DSCAML1: variants seen among roughly 807,000 people sequenced by gnomAD.
DSCAML1 encodes the protein DS cell adhesion molecule like 1.
DSCAML1 carries 38 observed loss-of-function variants against 200.5 expected under a neutral mutation model. The observed-to-expected ratio is 0.19, with a 90% CI of 0.15 to 0.25. The LOEUF (loss-of-function observed/expected upper bound fraction) is 0.25. Among genes scored for constraint, DSCAML1 ranks in the 10% least tolerant of loss-of-function variants. The pLI is 1.00. For missense variants in DSCAML1, 2,223 were observed against 2,858.8 expected (o/e 0.78, Z 5.07); for synonymous variants, 1,215 against 1,165.0 (o/e 1.04, Z -0.87).
At chr11:117,481,147 T>C (rs1411231204) in intron 13 of DSCAML1, 27 bp downstream of exon 13, 1 of 1,608,678 alleles carries the variant, frequency 6.2e-7, no homozygotes, top group Non-Finnish European at 8.5e-7. Flanking sequence ...GGAGGTGGGA[T>C]GGGAAGGGTG....
At chr11:117,557,290 C>G (rs1352005802) in intron 3 of DSCAML1, among the ~76,000 whole-genome samples, 1 of 152,258 alleles carries the variant, frequency 6.6e-6, no homozygotes, top group East Asian at 1.9e-4. Flanking sequence ...ACACTTAATA[C>G]CAGTCTGGGC....
intron 2 of DSCAML1, among the ~76,000 whole-genome samples, chr11:117,779,266 C>G (rs764837256): frequency 1.3e-5 from 2 of 152,086 alleles, no homozygotes; most frequent in Non-Finnish European, 2.9e-5. Flanking sequence ...TATAATGATC[C>G]GAGACCCACC....
At chr11:117,816,735 C>T (rs1027713950) in intron 1 of DSCAML1, among the ~76,000 whole-genome samples, 2 of 150,144 alleles carry the variant, frequency 1.3e-5, no homozygotes, top group East Asian at 2.0e-4. Context: ...CCAGTGGAGA[C>T]GCTCAGTTCT....
intron 3 of DSCAML1, among the ~76,000 whole-genome samples, chr11:117,669,933 CG>C (rs919469415): frequency 1.3e-5 from 2 of 152,220 alleles, no homozygotes; most frequent in Non-Finnish European, 2.9e-5. Flanking sequence ...GGGGCCTCAG[CG>C]GCCCATGAAA....
chr11:117,460,799 C>T (rs747605062), intron 18 of DSCAML1, among the ~76,000 whole-genome samples: 2 of 152,144 alleles, frequency 1.3e-5, no homozygotes, highest in East Asian at 1.9e-4. Flanking sequence ...CTCTGGATCC[C>T]GGGCGGCTTG....
At chr11:117,520,680 T>A (rs1382186507) in intron 6 of DSCAML1, among the ~76,000 whole-genome samples, 1 of 146,294 alleles carries the variant, frequency 6.8e-6, no homozygotes, top group Non-Finnish European at 1.5e-5. Flanking sequence ...TTCACCCCAG[T>A]TCAAGACCAG....
rs1031525185 is a variant in DSCAML1, at chr11:117,482,107, C to T, written c.2415G>A (p.Ala805=). Residue 805 remains alanine (A), a synonymous_variant, in exon 12 of 33, where the codon GCG becomes GCA. Transcript: ENST00000651296. ...PNTTIAIKGH[A]KELNCTARGE... ...CCCGTGCCGTGCAGTTTAGCTCCTT[C>T]GCATGGCCCTTGATGGCGATGGTGG... is the stretch of plus-strand genomic sequence containing the variant. 5.6e-6 allele frequency: 9 copies of T among 1,614,174 alleles called. No homozygotes were observed. The highest frequency in any genetic ancestry group is 4.5e-5 in the East Asian group (2 of 44,884).
chr11:117,787,405 T>G (rs1773364232), intron 1 of DSCAML1, among the ~76,000 whole-genome samples: 1 of 151,300 alleles, frequency 6.6e-6, no homozygotes, highest in African/African-American at 2.4e-5. Context: ...AAATATTTAC[T>G]GCTCACCTCT....
At chr11:117,802,528 G>A (rs547652748) in intron 1 of DSCAML1, among the ~76,000 whole-genome samples, 1 of 152,292 alleles carries the variant, frequency 6.6e-6, no homozygotes, top group East Asian at 1.9e-4. Flanking sequence ...TCTGATTACA[G>A]CCTCACGTGC....
intron 2 of DSCAML1, among the ~76,000 whole-genome samples, chr11:117,777,590 G>C (rs1350278296): frequency 6.6e-6 from 1 of 152,186 alleles, no homozygotes; most frequent in East Asian, 1.9e-4. Context: ...CTAGAGACAT[G>C]GACACAGTCT....
At chr11:117,601,106 C>T (rs926587106) in intron 3 of DSCAML1, among the ~76,000 whole-genome samples, 1 of 152,218 alleles carries the variant, frequency 6.6e-6, no homozygotes, top group Admixed American at 6.5e-5. Context: ...GCTGCTCCCT[C>T]AAATGCACTC....
intron 19 of DSCAML1, among the ~76,000 whole-genome samples, chr11:117,452,635 T>C (rs939020750): frequency 2.0e-5 from 3 of 152,242 alleles, no homozygotes; most frequent in Admixed American, 2.0e-4. Flanking sequence ...AAATATACCA[T>C]CTTATTAAAT....
At chr11:117,765,448 T>C (rs912225951) in intron 3 of DSCAML1, among the ~76,000 whole-genome samples, 1 of 152,288 alleles carries the variant, frequency 6.6e-6, no homozygotes, top group South Asian at 2.1e-4. Flanking sequence ...CCTTTAGCCC[T>C]GAAGGTCCCA....
At chr11:117,542,359 A>ACAAC (rs1426121850) in intron 3 of DSCAML1, among the ~76,000 whole-genome samples, 5 of 146,802 alleles carry the variant, frequency 3.4e-5, no homozygotes, top group African/African-American at 1.0e-4. Context: ...ACAACAAAAA[A>ACAAC]AAAACAGTGC....
intron 3 of DSCAML1, among the ~76,000 whole-genome samples, chr11:117,663,772 AG>A (rs761085698): frequency 4.6e-5 from 7 of 152,116 alleles, no homozygotes; most frequent in Non-Finnish European, 8.8e-5. Context: ...GACTGAGTAC[AG>A]GGGGGCTGGG....
chr11:117,471,739 T>G, intron 15 of DSCAML1, 130 bp downstream of exon 15: 1 of 823,596 alleles, frequency 1.2e-6, no homozygotes, highest in South Asian at 3.2e-5. Flanking sequence ...CACAAACATC[T>G]GTTAGGATGC....
At chr11:117,428,841 T>C in intron 32 of DSCAML1, 38 bp from the exon 33 acceptor site, 4 of 1,534,890 alleles carry the variant, frequency 2.6e-6, no homozygotes, top group Non-Finnish European at 3.5e-6. Flanking sequence ...CAGAGAGTCA[T>C]AGCCCTCTGG....
In DSCAML1 at chr11:117,433,171, G is replaced by C. The variant is rs1280561851; in HGVS notation, c.4993C>G (p.Leu1665Val). ...LHIDIPRVQL[L>V]IEDKEGIKQL... ...TTGATGCCTTCTTTGTCCTCGATGA[G>C]CAGCTGGACCCTGGGGATGTCAATG... The change falls in exon 29 of 33, where the codon CTC becomes GTC. Residue 1665 changes from leucine (L) to valine (V), a missense_variant. Leu to Val is a conservative substitution (Grantham distance 32, BLOSUM62 1). This residue lies in a region of DSCAML1 where 614 missense variants were observed against 739.1 expected (regional missense o/e 0.83). Coordinates refer to ENST00000651296, the MANE Select transcript of DSCAML1 (RefSeq NM_020693.4). 6.2e-7 allele frequency: 1 copy of C among 1,614,144 alleles called. No individual in the cohort carries two copies. The highest frequency in any genetic ancestry group is 1.1e-5 in the South Asian group (1 of 91,064).
At chr11:117,445,698 T>A (rs2048164100) in intron 20 of DSCAML1, among the ~76,000 whole-genome samples, 1 of 152,206 alleles carries the variant, frequency 6.6e-6, no homozygotes, top group African/African-American at 2.4e-5. Context: ...CATGTGCATG[T>A]GTGGAGAACA....
Sources: gnomAD v4.1 joint callset for allele counts (sites outside exome capture counted in the v4.1 genomes callset) on GRCh38, gnomAD v4.1.1 for gene constraint, gnomAD v4.1.1 regional missense constraint, MANE v1.5 for transcripts, NCBI Gene and HGNC (gene_info 2026-07-23, HGNC 2026-07-21) for gene names.